Variants in AQP5 observed in about 807,000 individuals in gnomAD.
AQP5 encodes aquaporin-5.
In AQP5, 15 loss-of-function variants were observed where a neutral mutation model predicts 19.1. The ratio of observed to expected loss-of-function variants is 0.79; its 90% CI spans 0.53 to 1.21. The LOEUF (loss-of-function observed/expected upper bound fraction) is 1.21, where lower values mean the gene tolerates loss of function less well. Ranked by LOEUF, AQP5 falls within the 50% of genes most tolerant of loss-of-function variation. The pLI is 0.00. For missense variants in AQP5, 355 were observed against 357.1 expected (o/e 0.99, Z 0.05); for synonymous variants, 182 against 160.3 (o/e 1.14, Z -1.02).
intron 3 of AQP5, 53 bp from the exon 4 acceptor site, chr12:49,964,939 T>C (rs1947473122): frequency 5.1e-6 from 8 of 1,570,468 alleles, no homozygotes; most frequent in South Asian, 4.8e-5. Context: ...GGGGGGCATG[T>C]GGTCTTCAAG....
intron 2 of AQP5, 179 bp downstream of exon 2, chr12:49,963,835 G>A (rs1215460405): frequency 2.0e-6 from 2 of 992,456 alleles, no homozygotes; most frequent in South Asian, 1.7e-5. Context: ...AAAACCTCTG[G>A]GCTGAGGAAA....
Position 49,962,105 on chromosome 12 carries a change from G to T in AQP5, c.88G>T (p.Gly30Cys), listed in dbSNP as rs139623970. Residue 30 changes from glycine (G) to cysteine (C), a missense_variant, in exon 1 of 4, where the codon GGC becomes TGC. Transcript: ENST00000293599. ...ATLIFVFFGL[G>C]SALKWPSALP... ...CCTCATCTTCGTCTTCTTTGGCCTG[G>T]GCTCGGCCCTCAAGTGGCCGTCGGC... is the stretch of plus-strand genomic sequence containing the variant. 3.7e-6 allele frequency: 6 copies of T among 1,613,478 alleles called. No homozygotes were observed. The Admixed American group carries it at 5.0e-5, about 13-fold the overall frequency.
intron 1 of AQP5, 113 bp downstream of exon 1, chr12:49,962,493 T>G: frequency 9.8e-7 from 1 of 1,016,398 alleles, no homozygotes; most frequent in Non-Finnish European, 1.3e-6. Flanking sequence ...CCCACACCCT[T>G]CACCAGGAAG....
In AQP5 at chr12:49,964,770, T is replaced by C. The variant is rs571410968; in HGVS notation, c.613-222T>C. 20 of 985,380 alleles carry C rather than the reference T, an allele frequency of 2.0e-5. No individual in the cohort carries two copies. In the East Asian group the frequency reaches 2.2e-3, roughly 106 times the overall value. 61.0% of individuals were successfully genotyped at this position (985,380 alleles called of 1,614,324 possible). On this transcript the variant is annotated intron_variant, in intron 3 of 3. Transcript: ENST00000293599. ...TGTCCCTCTGGGAATCTGTTTGCCT[T>C]CTTTGAGGGTCTAGGTGTCTGTGGT...
Position 49,962,398 on chromosome 12 carries a change from G to GA in AQP5, c.363+18_363+19insA, listed in dbSNP as rs1565640280. The GA allele has an allele frequency of 6.8e-7, 1 of 1,463,688 alleles. No homozygotes were observed. Among genetic ancestry groups the GA allele is most frequent in the East Asian group, 2.3e-5 (1 of 42,964 alleles). The allele number at this position is 1,463,688 out of a possible 1,614,324, so 90.7% of individuals were successfully genotyped here. A position where few individuals can be genotyped will look rare whatever the true frequency, so the allele number is the denominator to read the frequency against. ...TCAACGCGGTGAGTGCCCTGGGGGG[G>GA]GGGTGGGAGCCTCGACCCTGGGGTG... is the stretch of plus-strand genomic sequence containing the variant. On this transcript the variant is annotated intron_variant, in intron 1 of 3. Transcript: ENST00000293599.
At chr12:49,964,669 A>G in intron 3 of AQP5, 1 of 984,768 alleles carries the variant, frequency 1.0e-6, no homozygotes, top group Non-Finnish European at 1.2e-6. Flanking sequence ...CGCTCTGTTC[A>G]TCCGTCTCTC....
At position 49,962,000 on chromosome 12, in the gene AQP5, C is replaced by G; in HGVS notation, c.-18C>G. The G allele has an allele frequency of 7.4e-7, 1 of 1,359,808 alleles. No homozygotes were observed. Among genetic ancestry groups the G allele is most frequent in the Admixed American group, 3.1e-5 (1 of 32,386 alleles). The allele number at this position is 1,359,808 out of a possible 1,614,324, so 84.2% of individuals were successfully genotyped here. A position where few individuals can be genotyped will look rare whatever the true frequency, so the allele number is the denominator to read the frequency against. ...CGCCCCCCGCCGCGGCAGCTGCCGCCGGGCCCCCGCGGCCACCATGAAGAA... is the reference window on the plus strand; with the variant it reads ...CGCCCCCCGCCGCGGCAGCTGCCGCGGGGCCCCCGCGGCCACCATGAAGAA... On this transcript the variant is annotated 5_prime_UTR_variant, in exon 1 of 4. Coordinates refer to ENST00000293599, the MANE Select transcript of AQP5 (RefSeq NM_001651.4).
chr12:49,964,950 G>C (rs761084135), intron 3 of AQP5, 42 bp from the exon 4 acceptor site: 8 of 1,587,578 alleles, frequency 5.0e-6, no homozygotes, highest in Non-Finnish European at 6.9e-6. Context: ...GGTCTTCAAG[G>C]TCTGGGGCTC....
chr12:49,963,662 C>G lies in AQP5; in HGVS notation c.528+6C>G, dbSNP rs370242251. On this transcript the variant is annotated splice_donor_region_variant and intron_variant, in intron 2 of 3. Coordinates refer to ENST00000293599, the MANE Select transcript of AQP5 (RefSeq NM_001651.4). ...CCCTGGGCCACCTTGTCGGAGTGAGCAGTACCGACATTGGGCTGGGGTGAG... is the reference window on the plus strand; with the variant it reads ...CCCTGGGCCACCTTGTCGGAGTGAGGAGTACCGACATTGGGCTGGGGTGAG... The G allele has an allele frequency of 1.5e-5, 24 of 1,611,232 alleles. No homozygotes were observed. The highest frequency in any genetic ancestry group is 2.0e-5 in the Non-Finnish European group (24 of 1,178,532).
At position 49,962,276 on chromosome 12, in the gene AQP5, G is replaced by T; in HGVS notation, c.259G>T (p.Ala87Ser). 6.2e-7 allele frequency: 1 copy of T among 1,607,398 alleles called. No homozygotes were observed. ...GGGCAACCAGATCTCGCTGCTCCGG[G>T]CTTTCTTCTACGTGGCGGCCCAGCT... ...LVGNQISLLR[A>S]FFYVAAQLVG... The change falls in exon 1 of 4, where the codon GCT becomes TCT. Residue 87 changes from alanine to serine, a missense_variant. Transcript: ENST00000293599.
rs571411056 is a variant in AQP5, at chr12:49,964,554, TC to T, written c.612+380del. On this transcript the variant is annotated intron_variant, in intron 3 of 3. Transcript: ENST00000293599. ...GTCCCTGTTGAGGGGGTTGGGAGAG[TC>T]TTCCTGTGGGTCTGTCCCTGTGGAC... 44 of 791,980 alleles carry T rather than the reference TC, an allele frequency of 5.6e-5. 1 individual carries two copies. The South Asian group carries it at 2.3e-3, about 42-fold the overall frequency. The allele number at this position is 791,980 out of a possible 1,614,324, so 49.1% of individuals were successfully genotyped here.
At chr12:49,963,917 G>A (rs540201652) in intron 2 of AQP5, 175 bp from the exon 3 acceptor site, 25 of 756,320 alleles carry the variant, frequency 3.3e-5, no homozygotes, top group East Asian at 5.4e-5. Flanking sequence ...AGAGGAGGGC[G>A]TAGTTAAGGG....
At position 49,963,671 on chromosome 12, in the gene AQP5, CA is replaced by C; in HGVS notation, c.528+16del. ...ACCTTGTCGGAGTGAGCAGTACCGA[CA>C]TTGGGCTGGGGTGAGGGTGGGGCAG... is the stretch of plus-strand genomic sequence containing the variant. On this transcript the variant is annotated intron_variant, in intron 2 of 3. Transcript: ENST00000293599. 6.2e-7 allele frequency: 1 copy of C among 1,609,866 alleles called. No individual in the cohort carries two copies. The highest frequency in any genetic ancestry group is 1.1e-5 in the South Asian group (1 of 90,952).
chr12:49,965,352 G>GCCCCTACCCCAGGA lies in AQP5; in HGVS notation c.*175_*176insCCCCTACCCCAGGA. On this transcript the variant is annotated 3_prime_UTR_variant, in exon 4 of 4. Transcript: ENST00000293599. ...GAAGGAACCCATGATGGGACTCCTG[G>GCCCCTACCCCAGGA]GGTAGGGGCCAGGGGCTGGGGTCTG... 1.3e-6 allele frequency: 1 copy of GCCCCTACCCCAGGA among 759,484 alleles called. No individual in the cohort carries two copies. Among genetic ancestry groups the GCCCCTACCCCAGGA allele is most frequent in the Non-Finnish European group, 2.0e-6 (1 of 492,336 alleles). 47.0% of individuals were successfully genotyped at this position (759,484 alleles called of 1,614,324 possible).
At chr12:49,962,552 C>A in intron 1 of AQP5, 172 bp downstream of exon 1, 1 of 829,044 alleles carries the variant, frequency 1.2e-6, no homozygotes, top group Non-Finnish European at 1.7e-6. Flanking sequence ...CTGATATGTG[C>A]TCCCTTCCTG....
At position 49,965,202 on chromosome 12, in the gene AQP5, C is replaced by T; in HGVS notation, c.*25C>T. 6.3e-7 allele frequency: 1 copy of T among 1,575,482 alleles called. No homozygotes were observed. The highest frequency in any genetic ancestry group is 8.6e-7 in the Non-Finnish European group (1 of 1,162,450). On this transcript the variant is annotated 3_prime_UTR_variant, in exon 4 of 4. Transcript: ENST00000293599. Reference sequence around the variant, plus strand: ...ACCAGTGTCAGGCAGGGGCCAGCCCCTCAGCCCCTGAGCCAAGGGGGAAAA... The same window carrying T: ...ACCAGTGTCAGGCAGGGGCCAGCCCTTCAGCCCCTGAGCCAAGGGGGAAAA...
chr12:49,963,174 GGCAGCTGCCCACA>G (rs1432268987), intron 1 of AQP5, among the ~76,000 whole-genome samples: 2 of 152,240 alleles, frequency 1.3e-5, no homozygotes, highest in Admixed American at 1.3e-4. Flanking sequence ...AGGCAAACCG[GGCAGCTGCCCACA>G]GGATGGAGGG....
At chr12:49,963,173 G>A (rs1456662911) in intron 1 of AQP5, among the ~76,000 whole-genome samples, 4 of 152,234 alleles carry the variant, frequency 2.6e-5, no homozygotes, top group East Asian at 1.9e-4. Flanking sequence ...CAGGCAAACC[G>A]GGCAGCTGCC....
chr12:49,964,234 C>T (rs1187572567), intron 3 of AQP5, 59 bp downstream of exon 3: 1 of 1,534,402 alleles, frequency 6.5e-7, no homozygotes, highest in Non-Finnish European at 9.0e-7. Context: ...CCAGCAGTGG[C>T]AGCTCAGAGC....
Sources: allele counts gnomAD v4.1 joint callset (sites outside exome capture counted in the v4.1 genomes callset), GRCh38; gene constraint gnomAD v4.1.1; transcripts MANE v1.5; gene names NCBI Gene and HGNC (gene_info 2026-07-23, HGNC 2026-07-21).